RBFOX1: variants seen among roughly 807,000 people sequenced by gnomAD.
The protein encoded by RBFOX1 is RNA binding fox-1 homolog 1, also known as RNA binding protein fox-1 homolog 1.
Under a neutral mutation model 57.7 loss-of-function variants are expected in RBFOX1, and 8 were observed. That is an observed-to-expected ratio of 0.14 (90% CI 0.08 to 0.25). The LOEUF is 0.25. Among genes scored for constraint, RBFOX1 ranks in the 10% least tolerant of loss-of-function variants. The probability of loss-of-function intolerance (pLI) is 1.00; values close to 1 mark genes in which losing one functional copy is unlikely to be tolerated. For synonymous variants in RBFOX1, 326 were observed against 222.4 expected (o/e 1.47, Z -4.15); for missense variants, 611 against 548.5 (o/e 1.11, Z -1.14).
intron 2 of RBFOX1, among the ~76,000 whole-genome samples, chr16:6,387,974 A>ATTTTTTTT (rs61603572): frequency 1.2e-5 from 1 of 84,150 alleles, no homozygotes; most frequent in Non-Finnish European, 2.1e-5. Context: ...TTTGTGGAAC[A>ATTTTTTTT]TTTTTTTTTT....
chr16:6,389,510 C>G (rs2092482992), intron 2 of RBFOX1, among the ~76,000 whole-genome samples: 1 of 152,194 alleles, frequency 6.6e-6, no homozygotes, highest in Non-Finnish European at 1.5e-5. Context: ...TGTGTATCAT[C>G]TCTGTGGTTT....
chr16:5,839,626 T>C (rs1597447770), intron 3 of RBFOX1, among the ~76,000 whole-genome samples: 1 of 152,198 alleles, frequency 6.6e-6, no homozygotes, highest in Non-Finnish European at 1.5e-5. Flanking sequence ...GTCAGGTGGT[T>C]CCGGGACTAG....
chr16:5,952,062 T>C (rs1303215456), intron 4 of RBFOX1, among the ~76,000 whole-genome samples: 2 of 150,652 alleles, frequency 1.3e-5, no homozygotes, highest in Non-Finnish European at 2.9e-5. Context: ...TACACACACA[T>C]CTATATAAAT....
chr16:6,159,498 G>A (rs2096862293), intron 1 of RBFOX1, among the ~76,000 whole-genome samples: 2 of 152,174 alleles, frequency 1.3e-5, no homozygotes, highest in Admixed American at 1.3e-4. Context: ...AGGACAGCAA[G>A]TGCTTGAAGG....
chr16:6,448,117 C>G (rs1471797207), intron 2 of RBFOX1, among the ~76,000 whole-genome samples: 3 of 146,164 alleles, frequency 2.1e-5, no homozygotes, highest in East Asian at 4.0e-4. Flanking sequence ...TAACATATAA[C>G]TGATCAGACA....
chr16:7,597,477 C>T, intron 9 of RBFOX1, 46 bp downstream of exon 9: 9 of 1,472,098 alleles, frequency 6.1e-6, no homozygotes, highest in Non-Finnish European at 8.5e-6. Flanking sequence ...CTACTTCTGA[C>T]TCTTTAAGTA....
intron 3 of RBFOX1, among the ~76,000 whole-genome samples, chr16:6,840,325 C>T (rs1018418501): frequency 3.9e-5 from 6 of 152,262 alleles, no homozygotes; most frequent in Admixed American, 6.5e-5. Context: ...GCTGCAGGGC[C>T]GCCTCTAACA....
In RBFOX1 at chr16:6,237,644, G is replaced by T. The variant is rs576581546; in HGVS notation, c.-126-79351G>T. On this transcript the variant is annotated intron_variant, in intron 1 of 15. Coordinates refer to ENST00000550418, the MANE Select transcript of RBFOX1 (RefSeq NM_018723.4). ...GTAATCCCAGCTACTTGGGAGGGTG[G>T]GGAAGAGAATTGTTTGAACCAGGGA... 1.1e-3 allele frequency among the ~76,000 whole-genome samples: 171 copies of T among 151,402 alleles called. 3 individuals are homozygous for T. Among genetic ancestry groups the T allele is most frequent in the South Asian group, 3.6e-3 (17 of 4,774 alleles).
rs1284183490 is a variant in RBFOX1, at chr16:7,227,285, A to ACCCCC, written c.27+175191_27+175192insCCCCC. Among the ~76,000 whole-genome samples, 64 of 73,252 alleles carry ACCCCC rather than the reference A, an allele frequency of 8.7e-4. 1 individual carries two copies. Among genetic ancestry groups the ACCCCC allele is most frequent in the East Asian group, 1.7e-3 (2 of 1,188 alleles). The allele number at this position is 73,252 out of a possible 152,430, so 48.1% of individuals were successfully genotyped here. A position where few individuals can be genotyped will look rare whatever the true frequency, so the allele number is the denominator to read the frequency against. Reference sequence around the variant, plus strand: ...CACTGTCACATACCACACACACCCCACCCCACCCCCACACACACACACAGC... The same window carrying ACCCCC: ...CACTGTCACATACCACACACACCCCACCCCCCCCCACCCCCACACACACACACAGC... On this transcript the variant is annotated intron_variant, in intron 4 of 15. Coordinates refer to ENST00000550418, the MANE Select transcript of RBFOX1 (RefSeq NM_018723.4).
At chr16:7,174,746 C>T (rs2081329458) in intron 4 of RBFOX1, among the ~76,000 whole-genome samples, 1 of 152,222 alleles carries the variant, frequency 6.6e-6, no homozygotes, top group Non-Finnish European at 1.5e-5. Flanking sequence ...CGCCATTGCA[C>T]TCCAGACTGG....
chr16:5,725,269 G>T (rs1471491718), intron 3 of RBFOX1, among the ~76,000 whole-genome samples: 1 of 151,946 alleles, frequency 6.6e-6, no homozygotes, highest in Admixed American at 6.6e-5. Flanking sequence ...TAAGAGACAG[G>T]GTCTTGCTCT....
chr16:7,655,451 C>G (rs958182750), intron 12 of RBFOX1, among the ~76,000 whole-genome samples: 6 of 152,132 alleles, frequency 3.9e-5, no homozygotes, highest in African/African-American at 1.4e-4. Flanking sequence ...CTCCCTAATG[C>G]CTGTCAAATG....
At chr16:6,263,762 G>A (rs2097716093) in intron 1 of RBFOX1, among the ~76,000 whole-genome samples, 1 of 152,110 alleles carries the variant, frequency 6.6e-6, no homozygotes, top group Non-Finnish European at 1.5e-5. Flanking sequence ...ACCCTGCCAT[G>A]GTTTTTTAAA....
rs79536371 is a variant in RBFOX1 at position 6,928,244 on chromosome 16, G to C, written c.-15-123813G>C. Among the ~76,000 whole-genome samples, 110 of 152,314 alleles carry C rather than the reference G, an allele frequency of 7.2e-4. 2 individuals carry two copies. In the South Asian group the frequency reaches 0.022, roughly 31 times the overall value. On this transcript the variant is annotated intron_variant, in intron 3 of 15. Transcript: ENST00000550418. ...CCGAAGATTCTGATTTAATTGGTCTGAGGATCCCTGGGCATCCAGATTTTT... is the reference window on the plus strand; with the variant it reads ...CCGAAGATTCTGATTTAATTGGTCTCAGGATCCCTGGGCATCCAGATTTTT...
At position 6,842,503 on chromosome 16, in the gene RBFOX1, A is replaced by G. The variant is rs1404666166; in HGVS notation, c.-16+187853A>G. Among the ~76,000 whole-genome samples the G allele has an allele frequency of 5.9e-5, 9 of 152,194 alleles. No individual in the cohort carries two copies. In the East Asian group the frequency reaches 1.6e-3, roughly 26 times the overall value. ...TTGTTTAGAAAAACCAAATTGAATC[A>G]TATATTTTTATCCTGCCCTTTTCAG... On this transcript the variant is annotated intron_variant, in intron 3 of 15. Transcript: ENST00000550418.
At chr16:6,641,642 G>A (rs995698034) in intron 2 of RBFOX1, among the ~76,000 whole-genome samples, 5 of 150,898 alleles carry the variant, frequency 3.3e-5, no homozygotes, top group Admixed American at 2.7e-4. Flanking sequence ...GGCTGAGACG[G>A]GAGAATCACT....
At chr16:7,358,224 A>G (rs2097254721) in intron 4 of RBFOX1, among the ~76,000 whole-genome samples, 1 of 152,270 alleles carries the variant, frequency 6.6e-6, no homozygotes, top group African/African-American at 2.4e-5. Context: ...GAAAGAATAC[A>G]TAACCAAGTC....
chr16:6,809,836 C>T (rs184696839), intron 3 of RBFOX1, among the ~76,000 whole-genome samples: 4 of 152,218 alleles, frequency 2.6e-5, no homozygotes, highest in Non-Finnish European at 4.4e-5. Context: ...AGAGTGCTGT[C>T]GTACCAAGTG....
At chr16:7,430,129 A>C (rs554598859) in intron 4 of RBFOX1, among the ~76,000 whole-genome samples, 1 of 152,250 alleles carries the variant, frequency 6.6e-6, no homozygotes, top group Non-Finnish European at 1.5e-5. Flanking sequence ...CACTAAGTCT[A>C]TAATCCAACC....
Sources: allele counts gnomAD v4.1 joint callset (sites outside exome capture counted in the v4.1 genomes callset), GRCh38; gene constraint gnomAD v4.1.1; transcripts MANE v1.5; gene names NCBI Gene and HGNC (gene_info 2026-07-23, HGNC 2026-07-21).